Variants in TAOK3 observed in about 807,000 individuals in gnomAD.
The protein encoded by TAOK3 is TAO kinase 3.
TAOK3 carries 40 observed loss-of-function variants against 120.4 expected under a neutral mutation model. The observed-to-expected ratio is 0.33, with a 90% confidence interval of 0.26 to 0.43. The LOEUF (loss-of-function observed/expected upper bound fraction) is 0.43. Ranked by LOEUF, TAOK3 falls within the 20% of genes least tolerant of loss-of-function variation. The pLI is 1.00. For synonymous variants in TAOK3, 355 were observed against 387.5 expected (o/e 0.92, Z 0.99); for missense variants, 821 against 1,112.1 (o/e 0.74, Z 3.72).
In TAOK3 at chr12:118,244,881, G is replaced by A. The variant is rs762165369; in HGVS notation, c.192+13C>T. On this transcript the variant is annotated intron_variant, in intron 4 of 20. Coordinates refer to ENST00000392533, the MANE Select transcript of TAOK3 (RefSeq NM_016281.4). ...TTTATTTCAGTTTAGGTATACAACT[G>A]TCTCTATCTCACCTCATGGGTCTGC... The A allele has an allele frequency of 8.2e-6, 13 of 1,588,470 alleles. No individual in the cohort carries two copies. In the Admixed American group the frequency reaches 1.3e-4, roughly 16 times the overall value.
intron 19 of TAOK3, chr12:118,152,718 T>G: frequency 3.6e-6 from 1 of 279,826 alleles, no homozygotes; most frequent in Non-Finnish European, 6.8e-6. Context: ...ACCATCCACT[T>G]TGTGTGTGTC....
chr12:118,251,507 C>T (rs1176441113), intron 3 of TAOK3, among the ~76,000 whole-genome samples: 1 of 152,060 alleles, frequency 6.6e-6, no homozygotes, highest in Non-Finnish European at 1.5e-5. Context: ...CAATGCCACT[C>T]TGCTACCTGT....
At chr12:118,287,685 C>A (rs1275820348) in intron 1 of TAOK3, among the ~76,000 whole-genome samples, 1 of 152,022 alleles carries the variant, frequency 6.6e-6, no homozygotes, top group Admixed American at 6.6e-5. Flanking sequence ...CATTTCAACT[C>A]GAAAAGTCTA....
intron 1 of TAOK3, among the ~76,000 whole-genome samples, chr12:118,294,268 C>A (rs764617598): frequency 9.2e-5 from 14 of 152,118 alleles, no homozygotes; most frequent in African/African-American, 3.4e-4. Flanking sequence ...CGCAAACTTC[C>A]CTTTTGCTCC....
chr12:118,236,126 A>T, intron 7 of TAOK3: 1 of 158,606 alleles, frequency 6.3e-6, no homozygotes, highest in Non-Finnish European at 1.4e-5. Context: ...ATGATTCCGT[A>T]TTGACCACCT....
At position 118,245,968 on chromosome 12, in the gene TAOK3, G is replaced by T. The variant is rs1316769141; in HGVS notation, c.121-1003C>A. Reference sequence around the variant, plus strand: ...TGCAATATGAAAAGATGTTAAAAATGTTTTGGTCAAAAACAAGCTATAAAG... The same window carrying T: ...TGCAATATGAAAAGATGTTAAAAATTTTTTGGTCAAAAACAAGCTATAAAG... On this transcript the variant is annotated intron_variant, in intron 3 of 20. Transcript: ENST00000392533. The T allele has an allele frequency of 2.5e-5, 14 of 554,548 alleles. No individual in the cohort carries two copies. The African/African-American group carries it at 2.6e-4, about 10-fold the overall frequency. The allele number at this position is 554,548 out of a possible 1,614,324, so 34.4% of individuals were successfully genotyped here.
intron 1 of TAOK3, among the ~76,000 whole-genome samples, chr12:118,307,664 T>C (rs933198131): frequency 4.6e-5 from 7 of 152,188 alleles, no homozygotes; most frequent in Non-Finnish European, 1.0e-4. Flanking sequence ...CACTTGATAC[T>C]AGAGTTCTAC....
At chr12:118,369,777 A>T (rs565835481) in intron 1 of TAOK3, among the ~76,000 whole-genome samples, 1 of 152,304 alleles carries the variant, frequency 6.6e-6, no homozygotes, top group South Asian at 2.1e-4. Context: ...CACTCAATAC[A>T]TCTTAAATAT....
chr12:118,275,837 T>C (rs1323711889), intron 1 of TAOK3, among the ~76,000 whole-genome samples: 2 of 152,168 alleles, frequency 1.3e-5, no homozygotes, highest in Non-Finnish European at 2.9e-5. Flanking sequence ...TAGATCTCTC[T>C]GATAGGTAAC....
At chr12:118,325,254 G>T (rs2043890171) in intron 1 of TAOK3, among the ~76,000 whole-genome samples, 1 of 152,140 alleles carries the variant, frequency 6.6e-6, no homozygotes, top group African/African-American at 2.4e-5. Context: ...TGGGATTTCT[G>T]GATCGTATGG....
intron 14 of TAOK3, among the ~76,000 whole-genome samples, 177 bp from the exon 15 acceptor site, chr12:118,181,784 A>G (rs917590729): frequency 6.6e-6 from 1 of 152,174 alleles, no homozygotes; most frequent in Non-Finnish European, 1.5e-5. Context: ...CTCTTTATGT[A>G]TTTTATCCCT....
chr12:118,274,167 A>C (rs1200748995), intron 1 of TAOK3, among the ~76,000 whole-genome samples: 1 of 152,190 alleles, frequency 6.6e-6, no homozygotes, highest in African/African-American at 2.4e-5. Flanking sequence ...ATTTTGTTGT[A>C]ATTGCTGTTC....
intron 1 of TAOK3, among the ~76,000 whole-genome samples, chr12:118,341,303 AT>A (rs1042329141): frequency 5.7e-4 from 85 of 148,418 alleles, no homozygotes; most frequent in Non-Finnish European, 8.7e-4. Flanking sequence ...ACCAGCCTAA[AT>A]TTTTTTTTTT....
intron 1 of TAOK3, among the ~76,000 whole-genome samples, chr12:118,336,255 G>A (rs1018144030): frequency 6.6e-6 from 1 of 152,104 alleles, no homozygotes; most frequent in Non-Finnish European, 1.5e-5. Context: ...TAGGTCTACT[G>A]AACAGAATAA....
intron 1 of TAOK3, among the ~76,000 whole-genome samples, chr12:118,319,003 T>C (rs1406278479): frequency 3.9e-5 from 6 of 152,180 alleles, no homozygotes; most frequent in African/African-American, 1.2e-4. Context: ...ATCTCATTTA[T>C]GTGTGGTATC....
chr12:118,168,957 TTTCCTTCCTTCC>T (rs150570843), intron 17 of TAOK3, among the ~76,000 whole-genome samples: 15,906 of 147,668 alleles, frequency 0.11, 927 homozygotes, highest in Middle Eastern at 0.14. Flanking sequence ...GCTTGCTTGC[TTTCCTTCCTTCC>T]TTCCTTCCTT....
intron 1 of TAOK3, among the ~76,000 whole-genome samples, chr12:118,313,259 T>G (rs999440769): frequency 1.3e-5 from 2 of 152,030 alleles, no homozygotes; most frequent in Non-Finnish European, 2.9e-5. Flanking sequence ...TTTTCTCTTC[T>G]TTTTTATTTT....
intron 2 of TAOK3, among the ~76,000 whole-genome samples, chr12:118,260,188 G>A (rs2041164191): frequency 1.3e-5 from 2 of 152,104 alleles, no homozygotes; most frequent in African/African-American, 2.4e-5. Context: ...GAGTGCAAGG[G>A]TACAATCATG....
chr12:118,267,251 T>C (rs1236211912), intron 1 of TAOK3, among the ~76,000 whole-genome samples: 2 of 152,150 alleles, frequency 1.3e-5, no homozygotes, highest in African/African-American at 4.8e-5. Flanking sequence ...AGTCTTGCTC[T>C]GTTGCCCAGG....
Sources: gnomAD v4.1 joint callset for allele counts (sites outside exome capture counted in the v4.1 genomes callset) on GRCh38, gnomAD v4.1.1 for gene constraint, MANE v1.5 for transcripts, NCBI Gene and HGNC (gene_info 2026-07-23, HGNC 2026-07-21) for gene names.